Variants in FRMPD4 observed in about 807,000 individuals in gnomAD.
FRMPD4 encodes FERM and PDZ domain-containing protein 4.
A neutral mutation model predicts 94.1 loss-of-function variants in FRMPD4; 22 were observed. The observed-to-expected ratio is 0.23, with a 90% CI of 0.17 to 0.33. The LOEUF (loss-of-function observed/expected upper bound fraction) is 0.33, where lower values mean the gene tolerates loss of function less well. FRMPD4 is among the 10% of genes least tolerant of loss of function. The pLI is 1.00. For synonymous variants in FRMPD4, 631 were observed against 548.6 expected, an observed-to-expected ratio of 1.15 and a Z score of -2.10; for missense variants, 1,111 against 1,339.9, an observed-to-expected ratio of 0.83 and a Z score of 2.67.
chrX:12,566,358 T>C (rs1029992881), intron 2 of FRMPD4, among the ~76,000 whole-genome samples: 4 of 111,672 alleles, frequency 3.6e-5, no homozygotes, highest in Non-Finnish European at 7.5e-5. Flanking sequence ...AGTCTTCCAG[T>C]CAATTTTTAA....
At chrX:11,977,274 T>A (rs1265605970) in intron 3 of FRMPD4, among the ~76,000 whole-genome samples, 1 of 112,281 alleles carries the variant, frequency 8.9e-6, no homozygotes, top group Non-Finnish European at 1.9e-5. Context: ...AATGGTGGTA[T>A]CAAGGATCTA....
At chrX:12,378,190 G>A (rs2056267251) in intron 1 of FRMPD4, among the ~76,000 whole-genome samples, 1 of 111,866 alleles carries the variant, frequency 8.9e-6, no homozygotes, top group African/African-American at 3.3e-5. Context: ...AAGCCTGCCG[G>A]GGATAATGTT....
chrX:11,916,396 G>A (rs369326441), intron 3 of FRMPD4, among the ~76,000 whole-genome samples: 1 of 111,314 alleles, frequency 9.0e-6, no homozygotes, highest in African/African-American at 3.3e-5. Flanking sequence ...TGACATTGTG[G>A]AAGATGGATT....
At chrX:12,527,068 A>G (rs1050312108) in intron 2 of FRMPD4, among the ~76,000 whole-genome samples, 4 of 112,191 alleles carry the variant, frequency 3.6e-5, no homozygotes, top group African/African-American at 1.3e-4. Context: ...AAATCAAATT[A>G]TGGAAAGCTG....
chrX:12,193,838 G>GAAAAGA (rs1333428877), intron 1 of FRMPD4, among the ~76,000 whole-genome samples: 1,187 of 59,654 alleles, frequency 0.02, 229 homozygotes, highest in East Asian at 0.12. Flanking sequence ...AGGGAAGGAA[G>GAAAAGA]AAAGAAAAGA....
chrX:12,317,685 C>G (rs770547162), intron 1 of FRMPD4, among the ~76,000 whole-genome samples: 13 of 107,767 alleles, frequency 1.2e-4, no homozygotes, highest in Non-Finnish European at 1.7e-4. Flanking sequence ...AGACATACAA[C>G]TGGCCAACAA....
At chrX:12,018,694 G>A (rs1233396713) in intron 3 of FRMPD4, among the ~76,000 whole-genome samples, 4 of 111,596 alleles carry the variant, frequency 3.6e-5, no homozygotes, top group Non-Finnish European at 3.8e-5. Context: ...TAGGATTACA[G>A]GTGTGAGTCA....
chrX:12,250,365 C>T (rs1328199050), intron 1 of FRMPD4, among the ~76,000 whole-genome samples: 2 of 111,288 alleles, frequency 1.8e-5, no homozygotes, highest in African/African-American at 6.5e-5. Flanking sequence ...ATTTTCATGG[C>T]AAAATAGACA....
At chrX:12,289,819 C>T (rs980410666) in intron 1 of FRMPD4, among the ~76,000 whole-genome samples, 1 of 111,712 alleles carries the variant, frequency 9.0e-6, no homozygotes, top group Admixed American at 9.5e-5. Flanking sequence ...GGTGTTGGAG[C>T]CTTAGGCCAA....
intron 2 of FRMPD4, among the ~76,000 whole-genome samples, chrX:12,591,876 C>T (rs767262891): frequency 9.0e-6 from 1 of 111,544 alleles, no homozygotes; most frequent in South Asian, 3.9e-4. Flanking sequence ...ATGCTGAGTA[C>T]TTTGAACTAA....
intron 1 of FRMPD4, among the ~76,000 whole-genome samples, chrX:12,487,442 T>G (rs1216169075): frequency 8.9e-6 from 1 of 112,205 alleles, no homozygotes; most frequent in Admixed American, 9.4e-5. Flanking sequence ...TTATCCTTAT[T>G]TATATCTTTT....
chrX:12,655,660 G>A (rs2059646805), intron 4 of FRMPD4, among the ~76,000 whole-genome samples: 1 of 111,812 alleles, frequency 8.9e-6, no homozygotes, highest in Non-Finnish European at 1.9e-5. Context: ...GCATGTTCTG[G>A]GCCAATGAGA....
chrX:12,390,857 G>T (rs1390436193), intron 1 of FRMPD4, among the ~76,000 whole-genome samples: 1 of 112,028 alleles, frequency 8.9e-6, no homozygotes, highest in Non-Finnish European at 1.9e-5. Flanking sequence ...AGTGGCTCAA[G>T]AGGTACTTTA....
chrX:12,690,164 G>A (rs1230094382), intron 7 of FRMPD4, 31 bp from the exon 8 acceptor site: 7 of 1,165,655 alleles, frequency 6.0e-6, no homozygotes, highest in Non-Finnish European at 8.1e-6. Flanking sequence ...CTTCGATTTT[G>A]GTCTCATCAT....
intron 1 of FRMPD4, among the ~76,000 whole-genome samples, chrX:12,367,653 A>G (rs2056104690): frequency 9.0e-6 from 1 of 110,966 alleles, no homozygotes; most frequent in South Asian, 3.9e-4. Context: ...GGCAATAACC[A>G]TGAGGGAAAG....
intron 4 of FRMPD4, among the ~76,000 whole-genome samples, chrX:12,660,029 TTC>T (rs1030348097): frequency 8.0e-5 from 9 of 112,100 alleles, no homozygotes; most frequent in Non-Finnish European, 1.3e-4. Context: ...AAAATGTTAA[TTC>T]TGATCACCAC....
chrX:12,304,524 T>C lies in FRMPD4; in HGVS notation c.41+165512T>C, dbSNP rs150392319. On this transcript the variant is annotated intron_variant, in intron 1 of 16. Coordinates refer to ENST00000675598, the MANE Select transcript of FRMPD4 (RefSeq NM_001368397.1). ...CACTCATGGTTGAAAACCACTGCTT[T>C]ATAGTAAGCCTGTAATATACAACCC... Among the ~76,000 whole-genome samples the C allele has an allele frequency of 1.3e-3, 146 of 111,299 alleles. 1 individual carries two copies. Among genetic ancestry groups the C allele is most frequent in the Admixed American group, 8.5e-3 (89 of 10,452 alleles).
intron 1 of FRMPD4, among the ~76,000 whole-genome samples, chrX:11,838,376 C>T (rs955598549): frequency 1.8e-5 from 2 of 111,394 alleles, no homozygotes; most frequent in Non-Finnish European, 3.8e-5. Flanking sequence ...TTAATAGCTG[C>T]CTTCAGGATT....
intron 3 of FRMPD4, among the ~76,000 whole-genome samples, chrX:11,920,199 G>A (rs967665780): frequency 8.9e-6 from 1 of 111,851 alleles, no homozygotes; most frequent in Non-Finnish European, 1.9e-5. Context: ...GGGGAAAAAA[G>A]CCCAACATTT....
Sources: gnomAD v4.1 joint callset for allele counts (sites outside exome capture counted in the v4.1 genomes callset) on GRCh38, gnomAD v4.1.1 for gene constraint, MANE v1.5 for transcripts, NCBI Gene and HGNC (gene_info 2026-07-23, HGNC 2026-07-21) for gene names.